Variants in LRRTM4 observed in about 807,000 individuals in gnomAD.
LRRTM4 encodes leucine rich repeat transmembrane neuronal 4.
Under a neutral mutation model 47.6 loss-of-function variants are expected in LRRTM4, and 25 were observed. The observed-to-expected ratio is 0.53, with a 90% CI of 0.38 to 0.73. LRRTM4 has a LOEUF of 0.73. LRRTM4 is among the 30% of genes least tolerant of loss of function. The pLI, the probability that LRRTM4 is intolerant of heterozygous loss-of-function variation, is 0.00. For synonymous variants in LRRTM4, 311 were observed against 269.5 expected (o/e 1.15, Z -1.51); for missense variants, 638 against 713.4 (o/e 0.89, Z 1.20).
chr2:77,022,539 T>C (rs1191802111), intron 3 of LRRTM4, among the ~76,000 whole-genome samples: 2 of 152,154 alleles, frequency 1.3e-5, no homozygotes, highest in East Asian at 3.9e-4. Flanking sequence ...AGCAAGCTAA[T>C]TACTTCCTAG....
intron 3 of LRRTM4, among the ~76,000 whole-genome samples, chr2:77,492,315 C>T (rs1000601929): frequency 6.6e-5 from 10 of 151,952 alleles, no homozygotes; most frequent in Non-Finnish European, 1.5e-4. Flanking sequence ...GCTGGAGTGC[C>T]GTGGCATGAA....
chr2:77,222,282 T>C (rs1460115662), intron 3 of LRRTM4, among the ~76,000 whole-genome samples: 1 of 151,924 alleles, frequency 6.6e-6, no homozygotes, highest in East Asian at 1.9e-4. Flanking sequence ...CACCCTAACA[T>C]CACAATTAAA....
intron 3 of LRRTM4, among the ~76,000 whole-genome samples, chr2:77,309,896 G>A (rs1466850558): frequency 6.6e-6 from 1 of 152,094 alleles, no homozygotes; most frequent in Non-Finnish European, 1.5e-5. Flanking sequence ...TTTTCTGTTT[G>A]TGTCAATAAA....
At chr2:77,493,320 T>A (rs1426710999) in intron 3 of LRRTM4, among the ~76,000 whole-genome samples, 1 of 151,992 alleles carries the variant, frequency 6.6e-6, no homozygotes, top group Non-Finnish European at 1.5e-5. Context: ...TAATAAGAAA[T>A]CAGGAGACGA....
chr2:76,807,884 T>A (rs1670583964), intron 3 of LRRTM4, among the ~76,000 whole-genome samples: 1 of 151,276 alleles, frequency 6.6e-6, no homozygotes, highest in African/African-American at 2.4e-5. Context: ...CCCGGCCTAT[T>A]TTCTTTTCTT....
At chr2:76,826,382 T>C (rs1303988282) in intron 3 of LRRTM4, among the ~76,000 whole-genome samples, 4 of 151,466 alleles carry the variant, frequency 2.6e-5, no homozygotes, top group Non-Finnish European at 5.9e-5. Context: ...AAATAGGTTA[T>C]ATAAACCCTT....
chr2:76,779,404 T>G (rs943575774), intron 3 of LRRTM4, among the ~76,000 whole-genome samples: 2 of 150,612 alleles, frequency 1.3e-5, no homozygotes, highest in Non-Finnish European at 3.0e-5. Context: ...CTAAGTCTCT[T>G]TGTAGGTCGC....
At chr2:77,137,358 C>T (rs1671976080) in intron 3 of LRRTM4, among the ~76,000 whole-genome samples, 1 of 151,878 alleles carries the variant, frequency 6.6e-6, no homozygotes, top group Non-Finnish European at 1.5e-5. Context: ...CCCAGAATTT[C>T]ATATCCAGCC....
chr2:76,987,723 A>T (rs2044485), intron 3 of LRRTM4, among the ~76,000 whole-genome samples: 47,685 of 151,570 alleles, frequency 0.31, 7,988 homozygotes, highest in East Asian at 0.58. Context: ...TTTCTCGAAC[A>T]ACCAGTACGA....
chr2:77,497,209 G>A (rs959898455), intron 3 of LRRTM4, among the ~76,000 whole-genome samples: 2 of 151,242 alleles, frequency 1.3e-5, no homozygotes, highest in Non-Finnish European at 3.0e-5. Context: ...CAATCTGACT[G>A]GAATTTTATC....
intron 3 of LRRTM4, among the ~76,000 whole-genome samples, chr2:76,808,997 A>T (rs1394868046): frequency 6.6e-6 from 1 of 152,150 alleles, no homozygotes; most frequent in Non-Finnish European, 1.5e-5. Flanking sequence ...AGTGATTTTC[A>T]AACAGCTGGG....
intron 3 of LRRTM4, among the ~76,000 whole-genome samples, chr2:77,011,225 T>C (rs1375736779): frequency 6.6e-6 from 1 of 152,166 alleles, no homozygotes; most frequent in Admixed American, 6.6e-5. Flanking sequence ...CAACATGTAA[T>C]CACATATAAT....
rs374584129 is a variant in LRRTM4 at position 77,424,976 on chromosome 2, T to C, written c.1551+93342A>G. Among the ~76,000 whole-genome samples, 10 of 152,150 alleles carry C rather than the reference T, an allele frequency of 6.6e-5. No individual in the cohort carries two copies. The East Asian group carries it at 9.7e-4, about 15-fold the overall frequency. On this transcript the variant is annotated intron_variant, in intron 3 of 3. Coordinates refer to ENST00000409884, the MANE Select transcript of LRRTM4 (RefSeq NM_001134745.3). ...GATGCTTGATGTTTTAAGTGGAATA[T>C]GAAACATCTTTGAATCACAGCGGCA... is the stretch of plus-strand genomic sequence containing the variant.
intron 3 of LRRTM4, among the ~76,000 whole-genome samples, chr2:76,766,173 A>G (rs10199769): frequency 0.012 from 1,846 of 152,296 alleles, 40 homozygotes; most frequent in African/African-American, 0.042. Context: ...TTCTTTCTCC[A>G]TTACATAGTA....
chr2:76,907,410 C>A (rs1006871351), intron 3 of LRRTM4, among the ~76,000 whole-genome samples: 3 of 150,168 alleles, frequency 2.0e-5, no homozygotes, highest in African/African-American at 7.4e-5. Context: ...AAAATTGACA[C>A]CCTAACATCA....
chr2:77,360,379 C>A (rs1003816836), intron 3 of LRRTM4, among the ~76,000 whole-genome samples: 13 of 152,048 alleles, frequency 8.5e-5, no homozygotes, highest in Non-Finnish European at 1.5e-4. Flanking sequence ...ATGGCGTGAA[C>A]CCAGGAGGCG....
At chr2:76,834,150 C>T (rs972645821) in intron 3 of LRRTM4, among the ~76,000 whole-genome samples, 4 of 151,742 alleles carry the variant, frequency 2.6e-5, no homozygotes, top group East Asian at 1.9e-4. Context: ...AAGTAATTCT[C>T]CTGCCTCAGT....
At chr2:77,144,757 G>A (rs1672211492) in intron 3 of LRRTM4, among the ~76,000 whole-genome samples, 1 of 151,924 alleles carries the variant, frequency 6.6e-6, no homozygotes, top group Non-Finnish European at 1.5e-5. Context: ...CATATGTAAG[G>A]TTGATCAAAG....
chr2:77,245,924 A>T lies in LRRTM4; in HGVS notation c.1551+272394T>A, dbSNP rs543057263. 2.0e-5 allele frequency among the ~76,000 whole-genome samples: 3 copies of T among 152,270 alleles called. No homozygotes were observed. In the East Asian group the frequency reaches 5.8e-4, roughly 29 times the overall value. ...ATGAATCTTGCAGGAGAAAATAGAG[A>T]TTTTGCCAATTGCCAAGAATCTACA... On this transcript the variant is annotated intron_variant, in intron 3 of 3. Transcript: ENST00000409884.
Sources: allele counts gnomAD v4.1 joint callset (sites outside exome capture counted in the v4.1 genomes callset), GRCh38; gene constraint gnomAD v4.1.1; transcripts MANE v1.5; gene names NCBI Gene and HGNC (gene_info 2026-07-23, HGNC 2026-07-21).